Variants in MADD observed in about 807,000 individuals in gnomAD.
MADD encodes MAP kinase activating death domain, also known as MAP kinase-activating death domain protein.
Under a neutral mutation model 176.7 loss-of-function variants are expected in MADD, and 109 were observed. The ratio of observed to expected loss-of-function variants is 0.62; its 90% CI spans 0.53 to 0.72. The LOEUF is 0.72. Among genes scored for constraint, MADD ranks in the 30% least tolerant of loss-of-function variants. The probability of loss-of-function intolerance (pLI) is 0.00; values close to 1 mark genes in which losing one functional copy is unlikely to be tolerated. For synonymous variants in MADD, 771 were observed against 771.3 expected, an observed-to-expected ratio of 1.00 and a Z score of 0.01; for missense variants, 1,914 against 2,045.5, an observed-to-expected ratio of 0.94 and a Z score of 1.24.
chr11:47,284,713 G>C, intron 12 of MADD, 148 bp downstream of exon 12: 2 of 1,253,396 alleles, frequency 1.6e-6, no homozygotes, highest in Non-Finnish European at 2.2e-6. Flanking sequence ...TAGAGCCTAA[G>C]AGACCTACTT....
intron 22 of MADD, among the ~76,000 whole-genome samples, chr11:47,305,184 G>A (rs1230869479): frequency 6.6e-6 from 1 of 152,118 alleles, no homozygotes; most frequent in Non-Finnish European, 1.5e-5. Flanking sequence ...TTGGTGTCAG[G>A]TCTGACTGAC....
At chr11:47,315,290 C>G (rs1233453430) in exon 27 of MADD, 2 of 1,613,580 alleles carry the variant, frequency 1.2e-6, no homozygotes, top group Non-Finnish European at 1.7e-6. Flanking sequence ...GTGGTACATG[C>G]AGGGACAGAT....
At chr11:47,322,599 G>C (rs532597545) in intron 27 of MADD, among the ~76,000 whole-genome samples, 1 of 152,228 alleles carries the variant, frequency 6.6e-6, no homozygotes, top group East Asian at 1.9e-4. Flanking sequence ...GCGACAGAGC[G>C]AGATCCGTCT....
intron 22 of MADD, among the ~76,000 whole-genome samples, chr11:47,303,239 G>GTTTTTTT (rs35658298): frequency 1.8e-5 from 2 of 108,148 alleles, no homozygotes; most frequent in Non-Finnish European, 3.6e-5. Context: ...TTCTCTTGCT[G>GTTTTTTT]TTTTTTTTTT....
chr11:47,281,006 C>T (rs950004579), intron 7 of MADD, among the ~76,000 whole-genome samples: 1 of 152,184 alleles, frequency 6.6e-6, no homozygotes, highest in Non-Finnish European at 1.5e-5. Context: ...AGGATCACTC[C>T]AGGCATATTG....
intron 31 of MADD, chr11:47,328,222 G>T: frequency 9.3e-7 from 1 of 1,073,244 alleles, no homozygotes; most frequent in Non-Finnish European, 1.1e-6. Flanking sequence ...TTTCAGGCTG[G>T]TGACGAGTTC....
chr11:47,285,081 A>C, exon 13 of MADD: 1 of 1,614,106 alleles, frequency 6.2e-7, no homozygotes, highest in Non-Finnish European at 8.5e-7. Flanking sequence ...TGCGCCGGCG[A>C]ATCTATGACA....
At chr11:47,274,350 C>T (rs575567428) in intron 2 of MADD, among the ~76,000 whole-genome samples, 17 of 152,310 alleles carry the variant, frequency 1.1e-4, no homozygotes, top group African/African-American at 4.1e-4. Flanking sequence ...GTCAAAATCT[C>T]CCCTTCGTTT....
intron 32 of MADD, 142 bp from the exon 37 acceptor site, chr11:47,328,904 G>T: frequency 1.0e-6 from 1 of 955,262 alleles, no homozygotes; most frequent in African/African-American, 1.6e-5. Context: ...CTCCCATGGG[G>T]ACAGCTTCCT....
Position 47,295,600 on chromosome 11 carries a change from C to G in MADD, c.3483+24C>G, listed in dbSNP as rs767842328. On this transcript the variant is annotated intron_variant, in intron 21 of 32. Coordinates refer to ENST00000402192, the Ensembl canonical transcript of MADD. ...CCGTGGTAGGGGAACACCACACTGG[C>G]ATCTTGGTGGGTGGGGTGTGGATTT... 10 of 1,613,802 alleles carry G rather than the reference C, an allele frequency of 6.2e-6. No homozygotes were observed. In the East Asian group the frequency reaches 2.2e-4, roughly 36 times the overall value.
At chr11:47,311,589 G>A (rs2089274538) in intron 25 of MADD, 143 bp from the exon 29 acceptor site, 1 of 608,580 alleles carries the variant, frequency 1.6e-6, no homozygotes, top group Non-Finnish European at 3.0e-6. Flanking sequence ...ACAGTTGAAA[G>A]TTTTCTCCCA....
At chr11:47,284,346 C>T (rs2059175659) in intron 11 of MADD, 29 bp from the exon 12 acceptor site, 7 of 1,613,994 alleles carry the variant, frequency 4.3e-6, no homozygotes, top group Admixed American at 1.7e-5. Flanking sequence ...ATGGAGTGGT[C>T]TGTACCTGCC....
chr11:47,289,849 G>A lies in MADD; in HGVS notation c.2757-18G>A, dbSNP rs368744184. 1.1e-5 allele frequency: 17 copies of A among 1,612,236 alleles called. No homozygotes were observed. Among genetic ancestry groups the A allele is most frequent in the African/African-American group, 1.3e-5 (1 of 74,992 alleles). On this transcript the variant is annotated intron_variant, in intron 16 of 32. Coordinates refer to ENST00000402192, the Ensembl canonical transcript of MADD. ...CAAAGGAGCTGATGACCACAGAAGC[G>A]GTGTGTGGACCCTGTAGTGAGAACC...
At chr11:47,326,608 G>T in intron 30 of MADD, 56 bp downstream of exon 34, 1 of 1,476,522 alleles carries the variant, frequency 6.8e-7, no homozygotes, top group Non-Finnish European at 9.0e-7. Context: ...GTGTGCGTGT[G>T]GATTCTTCTG....
chr11:47,294,439 G>C (rs942836256), intron 20 of MADD, among the ~76,000 whole-genome samples: 1 of 151,866 alleles, frequency 6.6e-6, no homozygotes, highest in Admixed American at 6.6e-5. Context: ...CGAGGCAGGT[G>C]GGTCACTTGA....
chr11:47,293,915 G>A, exon 20 of MADD: 10 of 1,614,076 alleles, frequency 6.2e-6, no homozygotes, highest in Non-Finnish European at 8.5e-6. Context: ...CTTTGACCTT[G>A]GTGAGACAGA....
At chr11:47,285,428 A>G in intron 13 of MADD, 23 bp from the exon 14 acceptor site, 1 of 1,613,944 alleles carries the variant, frequency 6.2e-7, no homozygotes, top group Non-Finnish European at 8.5e-7. Flanking sequence ...CCTGGGGATC[A>G]TAGGTGCCTC....
chr11:47,278,703 A>T (rs947442022), intron 6 of MADD, among the ~76,000 whole-genome samples: 1 of 152,194 alleles, frequency 6.6e-6, no homozygotes, highest in Non-Finnish European at 1.5e-5. Flanking sequence ...GGAAGCCCTT[A>T]TGTGTGCTCA....
At chr11:47,300,268 G>A (rs1312257052) in intron 22 of MADD, among the ~76,000 whole-genome samples, 1 of 145,084 alleles carries the variant, frequency 6.9e-6, no homozygotes, top group Non-Finnish European at 1.5e-5. Context: ...GTGCAGTTGT[G>A]CGATCTCGGC....
Sources: gnomAD v4.1 joint callset for allele counts (sites outside exome capture counted in the v4.1 genomes callset) on GRCh38, gnomAD v4.1.1 for gene constraint, MANE v1.5 for transcripts, NCBI Gene and HGNC (gene_info 2026-07-23, HGNC 2026-07-21) for gene names.